Variants in GPR15LG observed in about 807,000 individuals in gnomAD.
GPR15LG encodes protein GPR15LG.
At chr10:84,174,242 G>C in the GPR15LG span, among the ~76,000 whole-genome samples, 1 of 152,098 alleles carries the variant, frequency 6.6e-6, no homozygotes, top group Non-Finnish European at 1.5e-5. Flanking sequence ...AGAATTTCTG[G>C]AGCCATTCTC....
At chr10:84,180,905 C>T in the GPR15LG span, among the ~76,000 whole-genome samples, 10 of 152,322 alleles carry the variant, frequency 6.6e-5, no homozygotes, top group South Asian at 1.2e-3. Context: ...GCCAACATGG[C>T]GAAACCCCGT....
chr10:84,176,464 T>C, the GPR15LG span: 2 of 1,597,876 alleles, frequency 1.3e-6, no homozygotes, highest in South Asian at 1.1e-5. Context: ...CTCTCTTCCT[T>C]TGTGTCCACC....
chr10:84,183,744 C>T, the GPR15LG span, among the ~76,000 whole-genome samples: 2 of 152,038 alleles, frequency 1.3e-5, no homozygotes, highest in South Asian at 4.1e-4. Flanking sequence ...CTCCCAGGCT[C>T]AGGTGATCCT....
At chr10:84,174,014 G>A in the GPR15LG span, 1 of 926,370 alleles carries the variant, frequency 1.1e-6, no homozygotes, top group South Asian at 1.3e-5. Flanking sequence ...GCCTTGGCGG[G>A]CAGGCCTTGG....
At chr10:84,176,056 T>A in the GPR15LG span, among the ~76,000 whole-genome samples, 8 of 151,746 alleles carry the variant, frequency 5.3e-5, no homozygotes, top group African/African-American at 1.9e-4. Flanking sequence ...GCCAGGCTGA[T>A]TTTGTATTTT....
chr10:84,180,687 C>T, the GPR15LG span, among the ~76,000 whole-genome samples: 9 of 152,140 alleles, frequency 5.9e-5, no homozygotes, highest in East Asian at 3.8e-4. Flanking sequence ...GACGGGGTGG[C>T]GGCCGGGCAG....
the GPR15LG span, chr10:84,174,015 C>T: frequency 1.1e-6 from 1 of 934,696 alleles, no homozygotes; most frequent in Non-Finnish European, 1.7e-6. Context: ...CCTTGGCGGG[C>T]AGGCCTTGGC....
chr10:84,174,843 C>A, the GPR15LG span, among the ~76,000 whole-genome samples: 2 of 152,092 alleles, frequency 1.3e-5, no homozygotes. Context: ...TCTTGTCTAA[C>A]CCTCTAGAAA....
At chr10:84,177,632 G>A in the GPR15LG span, among the ~76,000 whole-genome samples, 2 of 152,176 alleles carry the variant, frequency 1.3e-5, no homozygotes, top group African/African-American at 2.4e-5. Flanking sequence ...ACCTTCTCCC[G>A]GAGATGCTGA....
the GPR15LG span, among the ~76,000 whole-genome samples, chr10:84,177,884 C>T: frequency 1.3e-5 from 2 of 152,196 alleles, no homozygotes; most frequent in South Asian, 4.1e-4. Context: ...CTCTCCTGCA[C>T]CAACTGCTCA....
At chr10:84,184,502 A>G in the GPR15LG span, among the ~76,000 whole-genome samples, 1 of 152,368 alleles carries the variant, frequency 6.6e-6, no homozygotes, top group Non-Finnish European at 1.5e-5. Context: ...GTTTGCCACG[A>G]AAAGCCCCTT....
At chr10:84,181,042 T>C in the GPR15LG span, among the ~76,000 whole-genome samples, 11 of 145,122 alleles carry the variant, frequency 7.6e-5, no homozygotes, top group African/African-American at 2.8e-4. Context: ...GGCAGTACAG[T>C]CCAGCCTTGG....
At chr10:84,183,653 TA>T in the GPR15LG span, among the ~76,000 whole-genome samples, 1,968 of 152,012 alleles carry the variant, frequency 0.013, 33 homozygotes, top group African/African-American at 0.045. Flanking sequence ...GTTTATTATT[TA>T]TTTTTTTTTT....
the GPR15LG span, among the ~76,000 whole-genome samples, chr10:84,181,482 G>A: frequency 6.6e-6 from 1 of 152,220 alleles, no homozygotes; most frequent in Admixed American, 6.5e-5. Flanking sequence ...CTGGAGTGCA[G>A]TGGCACAATC....
the GPR15LG span, chr10:84,173,867 C>G: frequency 6.2e-7 from 1 of 1,613,622 alleles, no homozygotes; most frequent in Admixed American, 1.7e-5. Flanking sequence ...GCTTCTAGTC[C>G]TTTCCAGCCT....
the GPR15LG span, chr10:84,184,797 G>T: frequency 6.2e-7 from 1 of 1,612,818 alleles, no homozygotes; most frequent in Non-Finnish European, 8.5e-7. Flanking sequence ...AGACAGCGGA[G>T]AACCTCATGC....
At chr10:84,176,522 G>C in the GPR15LG span, 1 of 1,614,074 alleles carries the variant, frequency 6.2e-7, no homozygotes, top group South Asian at 1.1e-5. Context: ...AGGAGAACCA[G>C]GCTCTGCTGC....
the GPR15LG span, among the ~76,000 whole-genome samples, chr10:84,174,886 T>C: frequency 3.3e-5 from 5 of 152,318 alleles, no homozygotes; most frequent in Admixed American, 1.3e-4. Context: ...TTAGTGGTTA[T>C]GGTTACTCAA....
the GPR15LG span, among the ~76,000 whole-genome samples, chr10:84,180,652 A>G: frequency 1.3e-5 from 2 of 151,520 alleles, no homozygotes; most frequent in Admixed American, 1.3e-4. Context: ...ATGGGTGGCC[A>G]GGCAGAGACG....
Sources: allele counts gnomAD v4.1 joint callset (sites outside exome capture counted in the v4.1 genomes callset), GRCh38; gene constraint gnomAD v4.1.1; transcripts MANE v1.5; gene names NCBI Gene and HGNC (gene_info 2026-07-23, HGNC 2026-07-21).